The following FGF5 variants were observed in gnomAD, a reference collection of about 807,000 sequenced individuals.
FGF5 encodes the protein fibroblast growth factor 5.
FGF5 carries 23 observed loss-of-function variants against 21.8 expected under a neutral mutation model. The ratio of observed to expected loss-of-function variants is 1.05; its 90% CI spans 0.76 to 1.49. The LOEUF is 1.49. Ranked by LOEUF, FGF5 falls within the 40% of genes most tolerant of loss-of-function variation. The pLI, the probability that FGF5 is intolerant of heterozygous loss-of-function variation, is 0.00. For synonymous variants in FGF5, 158 were observed against 124.0 expected (o/e 1.27, Z -1.82); for missense variants, 352 against 332.9 (o/e 1.06, Z -0.45).
At chr4:80,282,031 C>T (rs1720566604) in intron 2 of FGF5, among the ~76,000 whole-genome samples, 1 of 152,166 alleles carries the variant, frequency 6.6e-6, no homozygotes, top group African/African-American at 2.4e-5. Flanking sequence ...GGTAGGATCC[C>T]AGCTCACTGC....
intron 2 of FGF5, among the ~76,000 whole-genome samples, chr4:80,282,590 A>G (rs1014257079): frequency 6.6e-6 from 1 of 152,216 alleles, no homozygotes; most frequent in Non-Finnish European, 1.5e-5. Flanking sequence ...GGCATGTGAT[A>G]TCTGTGGAAT....
rs1330618134 is a variant in FGF5 at position 80,288,233 on chromosome 4, CACAAAT to C, written c.*1567_*1572del. ...AAGCAAACTATGATTTATTTTGGTG[CACAAAT>C]ACAAAGTGGAAACTTACCAAAATTG... is the stretch of plus-strand genomic sequence containing the variant. On this transcript the variant is annotated 3_prime_UTR_variant, in exon 3 of 3. Transcript: ENST00000312465. 7.2e-5 allele frequency: 11 copies of C among 151,942 alleles called. No individual in the cohort carries two copies. Among genetic ancestry groups the C allele is most frequent in the African/African-American group, 2.7e-4 (11 of 41,374 alleles). 9.4% of individuals were successfully genotyped at this position (151,942 alleles called of 1,614,324 possible).
chr4:80,275,129 A>G, intron 2 of FGF5, 117 bp downstream of exon 2: 1 of 485,040 alleles, frequency 2.1e-6, no homozygotes, highest in Non-Finnish European at 3.6e-6. Flanking sequence ...TAACTTTTAA[A>G]AAGTATTTTT....
Position 80,267,254 on chromosome 4 carries a change from C to T in FGF5, c.355+75C>T. 3 of 1,212,120 alleles carry T rather than the reference C, an allele frequency of 2.5e-6. No homozygotes were observed. The South Asian group carries it at 4.4e-5, about 18-fold the overall frequency. 75.1% of individuals were successfully genotyped at this position (1,212,120 alleles called of 1,614,324 possible). ...TTCGGGAGGGACAGCAGGTATTCGCCGGGACACAGGCTCACCTTCCTGAGC... is the reference window on the plus strand; with the variant it reads ...TTCGGGAGGGACAGCAGGTATTCGCTGGGACACAGGCTCACCTTCCTGAGC... On this transcript the variant is annotated intron_variant, in intron 1 of 2. Transcript: ENST00000312465.
chr4:80,282,169 T>C (rs1271560327), intron 2 of FGF5, among the ~76,000 whole-genome samples: 2 of 151,824 alleles, frequency 1.3e-5, no homozygotes, highest in Non-Finnish European at 2.9e-5. Context: ...ACCATGTTGG[T>C]CAGGCTGGTC....
rs35823963 is a variant in FGF5 at position 80,272,593 on chromosome 4, C to T, written c.356-2316C>T. On this transcript the variant is annotated intron_variant, in intron 1 of 2. Transcript: ENST00000312465. ...CATCTTAAAAGTTAGCATATAAACA[C>T]ATACACTTATGAGACTTTAATCTTT... 8.9e-3 allele frequency among the ~76,000 whole-genome samples: 1,353 copies of T among 152,214 alleles called. 15 individuals are homozygous for T. Among genetic ancestry groups the T allele is most frequent in the African/African-American group, 0.028 (1,183 of 41,560 alleles).
At chr4:80,284,049 T>A (rs940530007) in intron 2 of FGF5, among the ~76,000 whole-genome samples, 2 of 152,256 alleles carry the variant, frequency 1.3e-5, no homozygotes, top group Non-Finnish European at 2.9e-5. Context: ...GAAAGTGATG[T>A]CAGCATAGCA....
At chr4:80,278,936 C>A (rs1720485429) in intron 2 of FGF5, among the ~76,000 whole-genome samples, 1 of 152,192 alleles carries the variant, frequency 6.6e-6, no homozygotes, top group African/African-American at 2.4e-5. Context: ...ATGAGGGCTA[C>A]TCCAAGCCAC....
intron 1 of FGF5, among the ~76,000 whole-genome samples, chr4:80,270,964 C>T (rs903499811): frequency 1.3e-5 from 2 of 152,142 alleles, no homozygotes; most frequent in African/African-American, 4.8e-5. Context: ...ATTTCTGTTG[C>T]TAATTTAATC....
chr4:80,287,405 C>A lies in FGF5; in HGVS notation c.*733C>A, dbSNP rs1720767981. On this transcript the variant is annotated 3_prime_UTR_variant, in exon 3 of 3. Coordinates refer to ENST00000312465, the MANE Select transcript of FGF5 (RefSeq NM_004464.4). Reference sequence around the variant, plus strand: ...TCATGACATTATGTGGAATCCTAAACCTTTGGTGGCTGGGATATGATGGGT... The same window carrying A: ...TCATGACATTATGTGGAATCCTAAAACTTTGGTGGCTGGGATATGATGGGT... The A allele has an allele frequency of 6.6e-6, 1 of 152,008 alleles. No homozygotes were observed. Among genetic ancestry groups the A allele is most frequent in the Admixed American group, 6.6e-5 (1 of 15,256 alleles). 9.4% of individuals were successfully genotyped at this position (152,008 alleles called of 1,614,324 possible). A position where few individuals can be genotyped will look rare whatever the true frequency, so the allele number is the denominator to read the frequency against.
chr4:80,272,064 A>C (rs1024849059), intron 1 of FGF5, among the ~76,000 whole-genome samples: 1 of 152,218 alleles, frequency 6.6e-6, no homozygotes, highest in African/African-American at 2.4e-5. Context: ...AATTATGATC[A>C]TAACAGTGTT....
At chr4:80,284,703 T>C (rs1720660133) in intron 2 of FGF5, among the ~76,000 whole-genome samples, 2 of 152,228 alleles carry the variant, frequency 1.3e-5, no homozygotes, top group Admixed American at 1.3e-4. Context: ...GTCAGTAACC[T>C]GCACTGCTCA....
chr4:80,276,891 A>G (rs1720428163), intron 2 of FGF5, among the ~76,000 whole-genome samples: 2 of 152,250 alleles, frequency 1.3e-5, no homozygotes, highest in South Asian at 4.1e-4. Context: ...CTAACCTCAT[A>G]ATAGTACACA....
At chr4:80,273,092 T>C (rs1224701645) in intron 1 of FGF5, among the ~76,000 whole-genome samples, 2 of 151,968 alleles carry the variant, frequency 1.3e-5, no homozygotes, top group East Asian at 1.9e-4. Flanking sequence ...AGAAGCACAC[T>C]CAAACAATGT....
Position 80,266,725 on chromosome 4 carries a change from G to A in FGF5, c.-100G>A. On this transcript the variant is annotated 5_prime_UTR_variant, in exon 1 of 3. Transcript: ENST00000312465. Reference sequence around the variant, plus strand: ...TTCCCCGAGGCTATGTCCACCCGGTGCGGCGAGGCGGGCAGAGCCAGAGGC... The same window carrying A: ...TTCCCCGAGGCTATGTCCACCCGGTACGGCGAGGCGGGCAGAGCCAGAGGC... The A allele has an allele frequency of 9.8e-7, 1 of 1,019,464 alleles. No individual in the cohort carries two copies. The highest frequency in any genetic ancestry group is 1.4e-6 in the Non-Finnish European group (1 of 696,300). The allele number at this position is 1,019,464 out of a possible 1,614,324, so 63.2% of individuals were successfully genotyped here.
chr4:80,277,951 T>G (rs1238531120), intron 2 of FGF5, among the ~76,000 whole-genome samples: 1 of 152,138 alleles, frequency 6.6e-6, no homozygotes, highest in African/African-American at 2.4e-5. Context: ...AAAGCCCTTT[T>G]GCTCACATTA....
chr4:80,268,505 C>T (rs1171021823), intron 1 of FGF5: 8 of 986,070 alleles, frequency 8.1e-6, no homozygotes, highest in Non-Finnish European at 9.6e-6. Context: ...GCGTGGACAC[C>T]ACCGGCGGTC....
In FGF5 at chr4:80,287,444, A is replaced by G. The variant is rs1056964031; in HGVS notation, c.*772A>G. 2.6e-5 allele frequency: 4 copies of G among 152,190 alleles called. No individual in the cohort carries two copies. Among genetic ancestry groups the G allele is most frequent in the Non-Finnish European group, 5.9e-5 (4 of 68,030 alleles). The allele number at this position is 152,190 out of a possible 1,614,324, so 9.4% of individuals were successfully genotyped here. On this transcript the variant is annotated 3_prime_UTR_variant, in exon 3 of 3. Transcript: ENST00000312465. ...GATATGATGGGTTAGAAGCAAGGAG[A>G]AAATATAAGGACTTTTTGATGGAAT...
At chr4:80,278,355 T>A (rs1299821665) in intron 2 of FGF5, among the ~76,000 whole-genome samples, 1 of 152,160 alleles carries the variant, frequency 6.6e-6, no homozygotes, top group Non-Finnish European at 1.5e-5. Flanking sequence ...TTGATTCATA[T>A]CACCTTTTTT....
Sources: gnomAD v4.1 joint callset for allele counts (sites outside exome capture counted in the v4.1 genomes callset) on GRCh38, gnomAD v4.1.1 for gene constraint, MANE v1.5 for transcripts, NCBI Gene and HGNC (gene_info 2026-07-23, HGNC 2026-07-21) for gene names.